SLC8A1: variants seen among roughly 807,000 people sequenced by gnomAD.
SLC8A1 encodes sodium/calcium exchanger 1.
Under a neutral mutation model 68.3 loss-of-function variants are expected in SLC8A1, and 18 were observed. The ratio of observed to expected loss-of-function variants is 0.26; its 90% CI spans 0.18 to 0.39. The LOEUF is 0.39. SLC8A1 is among the 10% of genes least tolerant of loss of function. The pLI, the probability that SLC8A1 is intolerant of heterozygous loss-of-function variation, is 1.00. For missense variants in SLC8A1, 985 were observed against 1,156.7 expected, an observed-to-expected ratio of 0.85 and a Z score of 2.15; for synonymous variants, 475 against 415.5, an observed-to-expected ratio of 1.14 and a Z score of -1.74.
chr2:40,362,065 CTG>C (rs1674796199), intron 2 of SLC8A1, among the ~76,000 whole-genome samples: 1 of 150,702 alleles, frequency 6.6e-6, no homozygotes, highest in Non-Finnish European at 1.5e-5. Context: ...CTGCTAATCT[CTG>C]TATTTTTAGT....
intron 2 of SLC8A1, among the ~76,000 whole-genome samples, chr2:40,230,275 T>G (rs1260880990): frequency 6.6e-6 from 1 of 152,212 alleles, no homozygotes; most frequent in Non-Finnish European, 1.5e-5. Context: ...TAGAAATCCT[T>G]GGCTCCAAAT....
At chr2:40,130,969 A>G (rs1017886376) in intron 7 of SLC8A1, among the ~76,000 whole-genome samples, 9 of 152,228 alleles carry the variant, frequency 5.9e-5, no homozygotes, top group African/African-American at 2.2e-4. Flanking sequence ...CAATTGCTGC[A>G]ATGTAGCTAA....
intron 1 of SLC8A1, among the ~76,000 whole-genome samples, chr2:40,464,670 C>T (rs1415073291): frequency 1.3e-5 from 2 of 152,078 alleles, no homozygotes; most frequent in Non-Finnish European, 2.9e-5. Context: ...TTAAAACAGT[C>T]TGAGAAGTGG....
chr2:40,458,096 C>T (rs890944545), intron 1 of SLC8A1, among the ~76,000 whole-genome samples: 4 of 152,166 alleles, frequency 2.6e-5, no homozygotes, highest in Non-Finnish European at 5.9e-5. Context: ...GGCTGAAAAC[C>T]ACTGACCTAA....
chr2:40,369,317 C>G (rs902357917), intron 2 of SLC8A1, among the ~76,000 whole-genome samples: 4 of 152,090 alleles, frequency 2.6e-5, no homozygotes, highest in Non-Finnish European at 4.4e-5. Context: ...ACCTCGTCAT[C>G]ATCTGAGCTG....
intron 2 of SLC8A1, among the ~76,000 whole-genome samples, chr2:40,411,765 T>C (rs1458020822): frequency 6.6e-6 from 1 of 152,034 alleles, no homozygotes; most frequent in Non-Finnish European, 1.5e-5. Context: ...AAAACAAAGA[T>C]TATACCTGTA....
In SLC8A1 at chr2:40,289,136, C is replaced by T. The variant is rs574739843; in HGVS notation, c.1809-111281G>A. ...AGTCAAATGTATTATAAAACTTTTACGCAATATCATTTTCCCCCTTTGGGG... is the reference window on the plus strand; with the variant it reads ...AGTCAAATGTATTATAAAACTTTTATGCAATATCATTTTCCCCCTTTGGGG... On this transcript the variant is annotated intron_variant, in intron 2 of 7. Coordinates refer to ENST00000406785, the Ensembl canonical transcript of SLC8A1. Among the ~76,000 whole-genome samples, 333 of 151,368 alleles carry T rather than the reference C, an allele frequency of 2.2e-3. 1 individual carries two copies. Among genetic ancestry groups the T allele is most frequent in the African/African-American group, 7.4e-3 (306 of 41,238 alleles).
intron 1 of SLC8A1, among the ~76,000 whole-genome samples, chr2:40,459,558 G>T (rs1345990966): frequency 6.6e-6 from 1 of 152,184 alleles, no homozygotes; most frequent in Non-Finnish European, 1.5e-5. Context: ...AAGACAGACT[G>T]CCACCAGGGG....
intron 1 of SLC8A1, among the ~76,000 whole-genome samples, chr2:40,504,480 C>CAAA (rs1706241476): frequency 1.3e-5 from 2 of 151,952 alleles, no homozygotes; most frequent in Non-Finnish European, 2.9e-5. Context: ...ATTTAAAAAG[C>CAAA]TTCTGTACAG....
At chr2:40,221,410 C>G (rs1206321738) in intron 2 of SLC8A1, among the ~76,000 whole-genome samples, 1 of 152,108 alleles carries the variant, frequency 6.6e-6, no homozygotes, top group East Asian at 1.9e-4. Flanking sequence ...CTATGACAAA[C>G]CCACAGCCAC....
chr2:40,390,105 C>A (rs1684816768), intron 2 of SLC8A1, among the ~76,000 whole-genome samples: 1 of 151,832 alleles, frequency 6.6e-6, no homozygotes, highest in African/African-American at 2.4e-5. Context: ...ATGGAAGAAA[C>A]ATTTTACTAG....
chr2:40,253,105 ATATACGTG>A (rs2063195212), intron 2 of SLC8A1, among the ~76,000 whole-genome samples: 1 of 109,750 alleles, frequency 9.1e-6, no homozygotes, highest in African/African-American at 4.0e-5. Context: ...ATATATACAT[ATATACGTG>A]TATACATATA....
At chr2:40,407,196 T>G (rs939955124) in intron 2 of SLC8A1, among the ~76,000 whole-genome samples, 1 of 152,086 alleles carries the variant, frequency 6.6e-6, no homozygotes, top group South Asian at 2.1e-4. Context: ...CTCCTGAGTA[T>G]CTGGGATTAC....
intron 1 of SLC8A1, among the ~76,000 whole-genome samples, chr2:40,478,531 G>A (rs1007810000): frequency 1.7e-4 from 26 of 152,200 alleles, no homozygotes; most frequent in Middle Eastern, 3.4e-3. Flanking sequence ...CCATTTAAAA[G>A]TCTATGATTT....
At chr2:40,449,509 C>A (rs987078805) in intron 1 of SLC8A1, among the ~76,000 whole-genome samples, 3 of 152,100 alleles carry the variant, frequency 2.0e-5, no homozygotes, top group African/African-American at 7.2e-5. Flanking sequence ...AACATAATTC[C>A]TGCAAATAGT....
intron 2 of SLC8A1, among the ~76,000 whole-genome samples, chr2:40,375,079 G>T (rs896118153): frequency 3.9e-5 from 6 of 152,002 alleles, no homozygotes; most frequent in Admixed American, 3.9e-4. Flanking sequence ...TGTCATTATG[G>T]ATTAATCACC....
intron 2 of SLC8A1, among the ~76,000 whole-genome samples, chr2:40,326,076 C>T (rs2075794597): frequency 6.6e-6 from 1 of 152,076 alleles, no homozygotes; most frequent in Non-Finnish European, 1.5e-5. Flanking sequence ...AGCAGCTGTG[C>T]AATCTGTACA....
chr2:40,156,053 TAGA>T (rs1407437546), intron 6 of SLC8A1, among the ~76,000 whole-genome samples: 1 of 152,216 alleles, frequency 6.6e-6, no homozygotes, highest in Non-Finnish European at 1.5e-5. Flanking sequence ...CCCTTCCTTC[TAGA>T]AGAACAGAAG....
In SLC8A1 at chr2:40,171,725, T is replaced by C. The variant is rs142639710; in HGVS notation, c.1930+3100A>G. Among the ~76,000 whole-genome samples, 3 of 152,316 alleles carry C rather than the reference T, an allele frequency of 2.0e-5. No individual in the cohort carries two copies. The East Asian group carries it at 5.8e-4, about 29-fold the overall frequency. On this transcript the variant is annotated intron_variant, in intron 4 of 7. Coordinates refer to ENST00000406785, the Ensembl canonical transcript of SLC8A1. The stretch of plus-strand genomic sequence containing the variant: ...GAGAACAATGTCTTACTCTATAAGA[T>C]TGGTGATAAAGTGATATGATGAAAA...
Sources: allele counts gnomAD v4.1 joint callset (sites outside exome capture counted in the v4.1 genomes callset), GRCh38; gene constraint gnomAD v4.1.1; transcripts MANE v1.5; gene names NCBI Gene and HGNC (gene_info 2026-07-23, HGNC 2026-07-21).